Variants in HEXA observed in about 807,000 individuals in gnomAD.
The protein encoded by HEXA is hexosaminidase subunit alpha.
Under a neutral mutation model 73.3 loss-of-function variants are expected in HEXA, and 54 were observed. The ratio of observed to expected loss-of-function variants is 0.74; its 90% CI spans 0.59 to 0.92. The LOEUF (loss-of-function observed/expected upper bound fraction) is 0.92, where lower values mean the gene tolerates loss of function less well. Ranked by LOEUF, HEXA falls within the 40% of genes least tolerant of loss-of-function variation. The probability of loss-of-function intolerance (pLI) is 0.00; values close to 1 mark genes in which losing one functional copy is unlikely to be tolerated. For missense variants in HEXA, 649 were observed against 653.0 expected, an observed-to-expected ratio of 0.99 and a Z score of 0.07; for synonymous variants, 230 against 246.9, an observed-to-expected ratio of 0.93 and a Z score of 0.64.
At chr15:72,361,179 T>C (rs1236637730) in intron 1 of HEXA, among the ~76,000 whole-genome samples, 2 of 152,132 alleles carry the variant, frequency 1.3e-5, no homozygotes, top group African/African-American at 4.8e-5. Context: ...CAGACAAAAA[T>C]CCCAGCTGTC....
intron 10 of HEXA, 113 bp from the exon 11 acceptor site, chr15:72,346,823 A>G: frequency 3.1e-6 from 3 of 980,920 alleles, no homozygotes; most frequent in Non-Finnish European, 4.9e-6. Context: ...GTTCCCCAGC[A>G]GCAAAGTATG....
intron 6 of HEXA, chr15:72,350,861 T>C: frequency 6.3e-6 from 4 of 633,048 alleles, no homozygotes; most frequent in South Asian, 5.5e-5. Flanking sequence ...GAGATAATCA[T>C]GGTAGGTATT....
At chr15:72,354,076 C>T (rs754037011) in intron 3 of HEXA, 15 of 344,982 alleles carry the variant, frequency 4.3e-5, no homozygotes, top group African/African-American at 8.4e-5. Context: ...CTCATGAGGA[C>T]AGACACAGAG....
Position 72,344,023 on chromosome 15 carries a change from G to A in HEXA, c.*54C>T, listed in dbSNP as rs1230870560. 4 of 1,449,128 alleles carry A rather than the reference G, an allele frequency of 2.8e-6. No individual in the cohort carries two copies. The highest frequency in any genetic ancestry group is 1.1e-5 in the South Asian group (1 of 87,616). 89.8% of individuals were successfully genotyped at this position (1,449,128 alleles called of 1,614,324 possible). A position where few individuals can be genotyped will look rare whatever the true frequency, so the allele number is the denominator to read the frequency against. On this transcript the variant is annotated 3_prime_UTR_variant, in exon 14 of 14. Coordinates refer to ENST00000268097, the MANE Select transcript of HEXA (RefSeq NM_000520.6). ...GTCCCCTGGCCAGGATGCAGTGGAA[G>A]CCTGGCTCCACTACCATTCACCTAC...
At chr15:72,362,542 A>G in intron 1 of HEXA, 1 of 453,254 alleles carries the variant, frequency 2.2e-6, no homozygotes, top group South Asian at 1.6e-5. Flanking sequence ...AGGCATAAAT[A>G]GCAAGTAGTT....
rs1006661461 is a variant in HEXA at position 72,355,371 on chromosome 15, C to G, written c.412+188G>C. 1.1e-5 allele frequency: 7 copies of G among 631,576 alleles called. No homozygotes were observed. The African/African-American group carries it at 1.3e-4, about 11-fold the overall frequency. 39.1% of individuals were successfully genotyped at this position (631,576 alleles called of 1,614,324 possible). Reference sequence around the variant, plus strand: ...TGAAATCCCATCTCTACTAAAAATACAAGAATTAGCTGGGCATGGTGGCAG... The same window carrying G: ...TGAAATCCCATCTCTACTAAAAATAGAAGAATTAGCTGGGCATGGTGGCAG... On this transcript the variant is annotated intron_variant, in intron 3 of 13. Coordinates refer to ENST00000268097, the MANE Select transcript of HEXA (RefSeq NM_000520.6).
chr15:72,366,937 T>G (rs1325098432), intron 1 of HEXA, among the ~76,000 whole-genome samples: 2 of 151,956 alleles, frequency 1.3e-5, no homozygotes, highest in Admixed American at 1.3e-4. Context: ...TTAATTTCAC[T>G]GTTTTTTTTT....
chr15:72,349,448 A>G (rs113090006), intron 7 of HEXA, among the ~76,000 whole-genome samples, 189 bp from the exon 8 acceptor site: 5 of 152,354 alleles, frequency 3.3e-5, no homozygotes, highest in African/African-American at 1.2e-4. Flanking sequence ...GTAAAAAGAT[A>G]CAAATATATC....
At chr15:72,345,713 G>T in intron 12 of HEXA, 163 bp from the exon 13 acceptor site, 1 of 1,148,558 alleles carries the variant, frequency 8.7e-7, no homozygotes, top group Non-Finnish European at 1.3e-6. Flanking sequence ...ATGGCTCCCA[G>T]AGAGTTCTAC....
intron 1 of HEXA, chr15:72,358,818 T>C (rs1193679798): frequency 6.6e-6 from 1 of 152,066 alleles, no homozygotes; most frequent in Non-Finnish European, 1.5e-5. Flanking sequence ...ACTAGGTCAT[T>C]GTAAAGGATG....
rs779228289 is a variant in HEXA at position 72,344,117 on chromosome 15, A to G, written c.1550T>C (p.Leu517Pro). The part of the protein sequence containing the change: ...LLRRGVQAQP[L>P]NVGFCEQEFE... ...CTCCTGCTCACAGAAGCCTACATTG[A>G]GGGGTTGGGCCTGGACACCTCGCCT... is the stretch of plus-strand genomic sequence containing the variant. The change falls in exon 14 of 14, where the codon CTC (leucine) becomes CCC (proline). Residue 517 changes from leucine to proline, a missense_variant. Physicochemically the swap from Leu to Pro is moderately conservative, Grantham distance 98 (BLOSUM62 -3). Transcript: ENST00000268097. 6.2e-7 allele frequency: 1 copy of G among 1,613,824 alleles called. No homozygotes were observed. The highest frequency in any genetic ancestry group is 2.2e-5 in the East Asian group (1 of 44,860).
chr15:72,364,885 A>T (rs1451313711), intron 1 of HEXA, among the ~76,000 whole-genome samples: 2 of 148,526 alleles, frequency 1.3e-5, no homozygotes, highest in Admixed American at 6.7e-5. Context: ...GCAGTGGCAC[A>T]ATCATAGCTC....
rs183221526 is a variant in HEXA, at chr15:72,353,616, T to C, written c.459+75A>G. ...ACCAGGATCCTAAGGCAAAACAAGA[T>C]TTTTCTAGGATTCTCAATATTGGGA... is the stretch of plus-strand genomic sequence containing the variant. On this transcript the variant is annotated intron_variant, in intron 4 of 13. Transcript: ENST00000268097. 285 of 1,212,252 alleles carry C rather than the reference T, an allele frequency of 2.4e-4. 1 individual carries two copies. The African/African-American group carries it at 3.5e-3, about 15-fold the overall frequency. 75.1% of individuals were successfully genotyped at this position (1,212,252 alleles called of 1,614,324 possible). A position where few individuals can be genotyped will look rare whatever the true frequency, so the allele number is the denominator to read the frequency against.
chr15:72,374,045 G>A (rs1000590391), intron 1 of HEXA, among the ~76,000 whole-genome samples: 74 of 150,770 alleles, frequency 4.9e-4, no homozygotes, highest in Non-Finnish European at 9.0e-4. Flanking sequence ...TTATTCTCAT[G>A]TATACAATAG....
At chr15:72,360,878 T>C (rs1422701295) in intron 1 of HEXA, among the ~76,000 whole-genome samples, 2 of 152,214 alleles carry the variant, frequency 1.3e-5, no homozygotes, top group Non-Finnish European at 2.9e-5. Flanking sequence ...TTAAATGAGT[T>C]AATACATGTA....
At position 72,346,641 on chromosome 15, in the gene HEXA, GT is replaced by G; in HGVS notation, c.1215del (p.Glu405AspfsTer18). ...GCCCGGAAGCCGGCCTTGGTGACCA[GT>G]TCCAGCTCCTTCATATAGTTCACTG... ...DIPVNYMKELELVTKAGFRAL... is the reference protein window; with the variant it reads ...DIPVNYMKELXLVTKAGFRAL... On this transcript the variant is annotated frameshift_variant, in exon 11 of 14. Transcript: ENST00000268097. LOFTEE classifies it high-confidence loss of function. 1 of 1,614,020 alleles carries G rather than the reference GT, an allele frequency of 6.2e-7. No homozygotes were observed. The highest frequency in any genetic ancestry group is 8.5e-7 in the Non-Finnish European group (1 of 1,179,916).
chr15:72,345,588 A>G (rs779647748), intron 12 of HEXA, 38 bp from the exon 13 acceptor site: 2 of 1,611,918 alleles, frequency 1.2e-6, no homozygotes, highest in Admixed American at 3.4e-5. Flanking sequence ...TGGGCCCTGT[A>G]TTCCCTGCAA....
intron 1 of HEXA, among the ~76,000 whole-genome samples, chr15:72,362,850 C>G (rs1308783768): frequency 1.3e-5 from 2 of 152,158 alleles, no homozygotes; most frequent in African/African-American, 4.8e-5. Context: ...CAAAACACTT[C>G]CATCGTATCA....
intron 2 of HEXA, chr15:72,356,083 C>A (rs2088774737): frequency 2.5e-6 from 1 of 400,964 alleles, no homozygotes. Context: ...GAGGAAGGAG[C>A]CAAACTCAAC....
Sources: allele counts gnomAD v4.1 joint callset (sites outside exome capture counted in the v4.1 genomes callset), GRCh38; gene constraint gnomAD v4.1.1; transcripts MANE v1.5; gene names NCBI Gene and HGNC (gene_info 2026-07-23, HGNC 2026-07-21).